Variants in FAM13B observed in about 807,000 individuals in gnomAD.
FAM13B encodes family with sequence similarity 13 member B, also known as protein FAM13B.
FAM13B carries 60 observed loss-of-function variants against 117.3 expected under a neutral mutation model. The ratio of observed to expected loss-of-function variants is 0.51; its 90% CI spans 0.42 to 0.63. The LOEUF (loss-of-function observed/expected upper bound fraction) is 0.63, where lower values mean the gene tolerates loss of function less well. Among genes scored for constraint, FAM13B ranks in the 30% least tolerant of loss-of-function variants. The pLI is 0.00. For synonymous variants in FAM13B, 332 were observed against 356.1 expected (o/e 0.93, Z 0.76); for missense variants, 972 against 1,091.9 (o/e 0.89, Z 1.55).
rs1765591418 is a variant in FAM13B at position 137,953,474 on chromosome 5, A to C, written c.1719-9T>G. On this transcript the variant is annotated splice_polypyrimidine_tract_variant and intron_variant, in intron 15 of 23. Transcript: ENST00000689681. ...AGGATGATCTTCGAATTCTGAATTA[A>C]AACAAAAGGCCAACACTGTTAAATT... The C allele has an allele frequency of 1.2e-6, 2 of 1,613,228 alleles. No homozygotes were observed. Among genetic ancestry groups the C allele is most frequent in the African/African-American group, 2.7e-5 (2 of 75,018 alleles).
chr5:137,998,184 T>G (rs1349624998), intron 7 of FAM13B, among the ~76,000 whole-genome samples: 1 of 152,234 alleles, frequency 6.6e-6, no homozygotes, highest in Non-Finnish European at 1.5e-5. Context: ...AATGCTCAAA[T>G]AAACTTAAAA....
rs768840447 is a variant in FAM13B, at chr5:137,959,689, A to T, written c.1368T>A (p.Val456=). 2 of 1,614,010 alleles carry T rather than the reference A, an allele frequency of 1.2e-6. No homozygotes were observed. Among genetic ancestry groups the T allele is most frequent in the Non-Finnish European group, 1.7e-6 (2 of 1,179,894 alleles). ...TACTGACACACGCTGCTTCCCCTTG[A>T]ACACCAACACTCTGACCTCCTGGTA... ...SEVPGGQSVG[V]QGEAACVSIP... is the part of the protein sequence containing the mutation. Residue 456 remains valine (V), a synonymous_variant, in exon 13 of 24, where the codon GTT becomes GTA. Coordinates refer to ENST00000689681, the MANE Select transcript of FAM13B (RefSeq NM_001385994.1).
chr5:138,003,636 C>T (rs139042314), intron 7 of FAM13B, among the ~76,000 whole-genome samples: 6 of 152,246 alleles, frequency 3.9e-5, no homozygotes, highest in African/African-American at 1.4e-4. Flanking sequence ...CCCTCCATCC[C>T]GCACCGTCCT....
intron 1 of FAM13B, among the ~76,000 whole-genome samples, chr5:138,022,839 T>G (rs1310183855): frequency 6.6e-6 from 1 of 151,918 alleles, no homozygotes; most frequent in East Asian, 1.9e-4. Flanking sequence ...TTCTTTTTTT[T>G]TTTTTTCGAG....
chr5:137,957,080 A>G (rs188219064), intron 13 of FAM13B, among the ~76,000 whole-genome samples: 32 of 152,212 alleles, frequency 2.1e-4, no homozygotes, highest in African/African-American at 7.7e-4. Flanking sequence ...CTTTGAGGAA[A>G]AAACAAAACA....
At chr5:137,972,398 C>A (rs1302176158) in intron 10 of FAM13B, among the ~76,000 whole-genome samples, 1 of 152,062 alleles carries the variant, frequency 6.6e-6, no homozygotes, top group African/African-American at 2.4e-5. Context: ...AGGCCTTTGA[C>A]AAAATTCAAC....
intron 1 of FAM13B, among the ~76,000 whole-genome samples, chr5:138,046,089 G>C (rs575464322): frequency 4.2e-4 from 64 of 152,284 alleles, no homozygotes; most frequent in African/African-American, 1.2e-3. Flanking sequence ...TGCTGTTCTC[G>C]TGATAGTGAA....
chr5:137,944,568 C>T (rs931632866), intron 20 of FAM13B, among the ~76,000 whole-genome samples: 1 of 151,934 alleles, frequency 6.6e-6, no homozygotes, highest in Admixed American at 6.6e-5. Context: ...GAGTTCAAGA[C>T]CAGCCTGGCC....
At chr5:137,960,288 T>A in intron 11 of FAM13B, 74 bp from the exon 12 acceptor site, 1 of 825,776 alleles carries the variant, frequency 1.2e-6, no homozygotes, top group Non-Finnish European at 1.9e-6. Flanking sequence ...CTTACCTAGA[T>A]TCCTCTACTC....
At chr5:138,012,030 C>A in intron 4 of FAM13B, 85 bp from the exon 5 acceptor site, 1 of 883,380 alleles carries the variant, frequency 1.1e-6, no homozygotes, top group Non-Finnish European at 1.7e-6. Context: ...ACTCCACCCA[C>A]ATCACCTTTT....
upstream of FAM13B, among the ~76,000 whole-genome samples, chr5:138,034,995 C>CTTTTTTTTTTT (rs557807234): frequency 0.017 from 597 of 34,368 alleles, 228 homozygotes; most frequent in East Asian, 0.11. Flanking sequence ...ATTCCCTTGC[C>CTTTTTTTTTTT]TTTTTTTTTT....
intron 23 of FAM13B, among the ~76,000 whole-genome samples, chr5:137,941,071 A>G (rs1398710658): frequency 6.6e-6 from 1 of 151,818 alleles, no homozygotes; most frequent in African/African-American, 2.4e-5. Flanking sequence ...ACGCCTGCCT[A>G]ATTTTTTTTG....
intron 7 of FAM13B, among the ~76,000 whole-genome samples, chr5:137,999,444 C>T (rs1235089825): frequency 3.9e-5 from 6 of 152,014 alleles, no homozygotes; most frequent in Admixed American, 6.6e-5. Flanking sequence ...GGTGTGGTGG[C>T]ACGCACCTGT....
At chr5:138,027,678 T>G (rs917603353) in intron 1 of FAM13B, among the ~76,000 whole-genome samples, 2 of 152,202 alleles carry the variant, frequency 1.3e-5, no homozygotes, top group Non-Finnish European at 2.9e-5. Context: ...AACTTACCTA[T>G]CAAATGTTCA....
At position 137,943,134 on chromosome 5, in the gene FAM13B, T is replaced by C; in HGVS notation, c.2423A>G (p.Lys808Arg). ...GETAHFFEEI[K>R]EEEEDGVNLS... ...ATAATTATTTCTTTAAAGGATTACC[T>C]TGATTTCTTCAAAAAAATGTGCAGT... Residue 808 changes from lysine (K) to arginine (R), a missense_variant and splice_region_variant, in exon 21 of 24, where the codon AAG (lysine) becomes AGG (arginine). Physicochemically the swap from Lys to Arg is conservative, Grantham distance 26. Coordinates refer to ENST00000689681, the MANE Select transcript of FAM13B (RefSeq NM_001385994.1). 3 of 1,614,060 alleles carry C rather than the reference T, an allele frequency of 1.9e-6. No individual in the cohort carries two copies. Among genetic ancestry groups the C allele is most frequent in the Non-Finnish European group, 1.7e-6 (2 of 1,179,908 alleles).
chr5:138,029,799 A>G (rs534088845), intron 1 of FAM13B, among the ~76,000 whole-genome samples: 1 of 152,388 alleles, frequency 6.6e-6, no homozygotes, highest in East Asian at 1.9e-4. Flanking sequence ...AGCAAAAAGT[A>G]GAGAAATATT....
At chr5:138,040,591 A>G (rs76104696) in intron 1 of FAM13B, among the ~76,000 whole-genome samples, 8 of 152,026 alleles carry the variant, frequency 5.3e-5, no homozygotes, top group African/African-American at 1.9e-4. Context: ...ACAAAAAAGA[A>G]GGAGATAATA....
At chr5:137,957,106 G>A (rs755429308) in intron 13 of FAM13B, among the ~76,000 whole-genome samples, 2 of 152,148 alleles carry the variant, frequency 1.3e-5, no homozygotes, top group African/African-American at 2.4e-5. Flanking sequence ...TATGTACTTA[G>A]GAATAGTGAC....
chr5:138,045,059 TATC>T (rs1353934494), intron 1 of FAM13B, among the ~76,000 whole-genome samples: 1 of 152,200 alleles, frequency 6.6e-6, no homozygotes, highest in Non-Finnish European at 1.5e-5. Context: ...GAAAACATAA[TATC>T]TCTAGAACTA....
Sources: gnomAD v4.1 joint callset for allele counts (sites outside exome capture counted in the v4.1 genomes callset) on GRCh38, gnomAD v4.1.1 for gene constraint, MANE v1.5 for transcripts, NCBI Gene and HGNC (gene_info 2026-07-23, HGNC 2026-07-21) for gene names.